Variants in PCNT observed in about 807,000 individuals in gnomAD.
PCNT encodes the protein kendrin.
PCNT carries 319 observed loss-of-function variants against 380.4 expected under a neutral mutation model. The ratio of observed to expected loss-of-function variants is 0.84; its 90% CI spans 0.77 to 0.92. The LOEUF is 0.92. Among genes scored for constraint, PCNT ranks in the 40% least tolerant of loss-of-function variants. PCNT has a pLI of 0.00. For missense variants in PCNT, 4,400 were observed against 4,255.3 expected (o/e 1.03, Z -0.95); for synonymous variants, 1,845 against 1,735.2 (o/e 1.06, Z -1.57).
Position 46,399,279 on chromosome 21 carries a change from CTGTTCAG to C in PCNT, c.4585-310_4585-304del, listed in dbSNP as rs1474725874. On this transcript the variant is annotated intron_variant, in intron 24 of 46. Transcript: ENST00000359568. ...CTGTGCAGCCTGTGGGTCTGGGTCT[CTGTTCAG>C]CCTGTGAGTCTGGGTCTCTTTTCAG... 3.6e-3 allele frequency among the ~76,000 whole-genome samples: 184 copies of C among 50,592 alleles called. No homozygotes were observed. In the Middle Eastern group the frequency reaches 0.041, roughly 11 times the overall value. The allele number at this position is 50,592 out of a possible 152,430, so 33.2% of individuals were successfully genotyped here. A position where few individuals can be genotyped will look rare whatever the true frequency, so the allele number is the denominator to read the frequency against.
rs773050199 is a variant in PCNT at position 46,326,380 on chromosome 21, G to C, written c.58G>C (p.Ala20Pro). The C allele has an allele frequency of 1.1e-5, 18 of 1,614,130 alleles. No individual in the cohort carries two copies. Among genetic ancestry groups the C allele is most frequent in the Admixed American group, 1.7e-5 (1 of 60,016 alleles). Residue 20 changes from alanine (A) to proline (P), a missense_variant, in exon 2 of 47, where the codon GCT becomes CCT. Coordinates refer to ENST00000359568, the MANE Select transcript of PCNT (RefSeq NM_006031.6). ...ACTTATCTACATTTTTGCGCAGCTTGCTCACTTCCGACAGAGAAAAACAAA... is the reference window on the plus strand; with the variant it reads ...ACTTATCTACATTTTTGCGCAGCTTCCTCACTTCCGACAGAGAAAAACAAA... The part of the protein sequence containing the change: ...RKVEAGRTKL[A>P]HFRQRKTKGD...
chr21:46,412,344 T>A (rs1478899913), intron 28 of PCNT, among the ~76,000 whole-genome samples: 1 of 152,254 alleles, frequency 6.6e-6, no homozygotes, highest in African/African-American at 2.4e-5. Context: ...TAATAGGGAC[T>A]GTCCAGTGAA....
In PCNT at chr21:46,355,576, C is replaced by T; in HGVS notation, c.1886C>T (p.Ser629Leu). 1.2e-6 allele frequency: 2 copies of T among 1,614,136 alleles called. No homozygotes were observed. Among genetic ancestry groups the T allele is most frequent in the Non-Finnish European group, 1.7e-6 (2 of 1,180,032 alleles). Residue 629 changes from serine to leucine, a missense_variant, in exon 12 of 47, where the codon TCA becomes TTA. Physicochemically the swap from Ser to Leu is moderately radical, Grantham distance 145. Coordinates refer to ENST00000359568, the MANE Select transcript of PCNT (RefSeq NM_006031.6). ...TCAGACAGATGCTGCGTAGAGACTT[C>T]AGCATTGGGACACGAGTGGCGTCTG... Reference protein sequence around the residue: ...HVSDRCCVETSALGHEWRLEP... With the variant: ...HVSDRCCVETLALGHEWRLEP...
At chr21:46,324,615 C>T (rs920363711) in intron 1 of PCNT, among the ~76,000 whole-genome samples, 13 of 150,474 alleles carry the variant, frequency 8.6e-5, no homozygotes, top group Non-Finnish European at 1.5e-4. Flanking sequence ...CGGGGTGTGG[C>T]TGCAGGGCGG....
At chr21:46,349,346 G>C (rs906295181) in intron 7 of PCNT, among the ~76,000 whole-genome samples, 160 bp downstream of exon 7, 3 of 152,240 alleles carry the variant, frequency 2.0e-5, no homozygotes, top group Non-Finnish European at 4.4e-5. Flanking sequence ...GCCGTCATGG[G>C]TCACAGGTCT....
At chr21:46,335,379 A>G (rs943626202) in intron 3 of PCNT, among the ~76,000 whole-genome samples, 3 of 152,150 alleles carry the variant, frequency 2.0e-5, no homozygotes, top group East Asian at 1.9e-4. Flanking sequence ...GGAATTGACT[A>G]CTTTTGAAGT....
At chr21:46,440,390 G>C (rs1315108338) in intron 42 of PCNT, among the ~76,000 whole-genome samples, 188 bp downstream of exon 42, 1 of 152,236 alleles carries the variant, frequency 6.6e-6, no homozygotes, top group African/African-American at 2.4e-5. Context: ...CACAAATACT[G>C]AGTTTCTGTG....
chr21:46,356,926 G>T, intron 12 of PCNT, 48 bp from the exon 13 acceptor site: 1 of 1,553,942 alleles, frequency 6.4e-7, no homozygotes, highest in Non-Finnish European at 8.9e-7. Flanking sequence ...GGGCTCCATC[G>T]AGGGCCGGCA....
intron 1 of PCNT, among the ~76,000 whole-genome samples, chr21:46,326,015 G>T (rs546406724): frequency 6.6e-6 from 1 of 152,318 alleles, no homozygotes; most frequent in East Asian, 1.9e-4. Flanking sequence ...AGAAGGGAGA[G>T]ATTTAGCTTT....
chr21:46,382,759 G>A lies in PCNT; in HGVS notation c.3312+919G>A, dbSNP rs1414001667. 3.3e-4 allele frequency among the ~76,000 whole-genome samples: 45 copies of A among 137,976 alleles called. 4 individuals are homozygous for A. The highest frequency in any genetic ancestry group is 6.0e-4 in the Admixed American group (8 of 13,318). The allele number at this position is 137,976 out of a possible 152,430, so 90.5% of individuals were successfully genotyped here. On this transcript the variant is annotated intron_variant, in intron 16 of 46. Transcript: ENST00000359568. The stretch of plus-strand genomic sequence containing the variant: ...GTGCTGTGCATTCAGTGGCGGAAGC[G>A]CATTCACCGTGTTGTATATTCAGTG...
intron 1 of PCNT, chr21:46,325,052 C>A: frequency 2.0e-6 from 2 of 985,522 alleles, no homozygotes; most frequent in Non-Finnish European, 2.4e-6. Context: ...TCCCGTCTTT[C>A]TCCCGCCCCG....
At chr21:46,417,959 C>T (rs749332029) in intron 30 of PCNT, among the ~76,000 whole-genome samples, 28 of 152,326 alleles carry the variant, frequency 1.8e-4, no homozygotes, top group Non-Finnish European at 3.5e-4. Context: ...ACTATCATTT[C>T]ATGCAAAACA....
At chr21:46,356,233 C>T (rs1164561943) in intron 12 of PCNT, among the ~76,000 whole-genome samples, 1 of 152,168 alleles carries the variant, frequency 6.6e-6, no homozygotes, top group Non-Finnish European at 1.5e-5. Flanking sequence ...GGGTGAGGGG[C>T]TGAGGCCGCG....
chr21:46,406,324 T>A (rs2086622117), intron 27 of PCNT, among the ~76,000 whole-genome samples: 1 of 152,256 alleles, frequency 6.6e-6, no homozygotes, highest in Admixed American at 6.5e-5. Context: ...TTCTCCCTTA[T>A]TCTACAGGTT....
chr21:46,437,172 A>G (rs1200427960), intron 40 of PCNT, 91 bp downstream of exon 40: 3 of 815,598 alleles, frequency 3.7e-6, no homozygotes, highest in East Asian at 2.6e-5. Context: ...ACGCTTCCCC[A>G]TTGTTCTTCC....
intron 1 of PCNT, chr21:46,324,805 G>A: frequency 1.1e-6 from 1 of 875,442 alleles, no homozygotes; most frequent in Non-Finnish European, 1.4e-6. Flanking sequence ...GGCCGGGGGC[G>A]TGGCGCGGGT....
At position 46,334,704 on chromosome 21, in the gene PCNT, C is replaced by A; in HGVS notation, c.575C>A (p.Pro192Gln). The part of the protein sequence containing the change: ...RGMFTVSDHT[P>Q]EQRGIFTISD... Reference sequence around the variant, plus strand: ...ATGTTCACAGTCAGTGACCACACACCAGAACAGCGTGGGATCTTCACAATC... The same window carrying A: ...ATGTTCACAGTCAGTGACCACACACAAGAACAGCGTGGGATCTTCACAATC... The change falls in exon 3 of 47, where the codon CCA becomes CAA. Residue 192 changes from proline (P) to glutamine (Q), a missense_variant. Pro to Gln is a moderately conservative substitution (Grantham distance 76). Coordinates refer to ENST00000359568, the MANE Select transcript of PCNT (RefSeq NM_006031.6). 2 of 1,613,946 alleles carry A rather than the reference C, an allele frequency of 1.2e-6. No individual in the cohort carries two copies. The highest frequency in any genetic ancestry group is 1.7e-6 in the Non-Finnish European group (2 of 1,179,856).
At chr21:46,412,815 T>A (rs1569271330) in intron 28 of PCNT, 22 bp from the exon 29 acceptor site, 4 of 1,608,816 alleles carry the variant, frequency 2.5e-6, no homozygotes, top group Non-Finnish European at 2.5e-6. Flanking sequence ...ATGCTCAGCT[T>A]TCCTCTGTCT....
At chr21:46,360,512 T>G (rs1465260014) in intron 13 of PCNT, among the ~76,000 whole-genome samples, 1 of 95,644 alleles carries the variant, frequency 1.0e-5, no homozygotes, top group South Asian at 4.4e-4. Flanking sequence ...TGTGAGCCAC[T>G]GCGCCGGCTT....
Sources: gnomAD v4.1 joint callset for allele counts (sites outside exome capture counted in the v4.1 genomes callset) on GRCh38, gnomAD v4.1.1 for gene constraint, MANE v1.5 for transcripts, NCBI Gene and HGNC (gene_info 2026-07-23, HGNC 2026-07-21) for gene names.